EIF4G1: variants seen among roughly 807,000 people sequenced by gnomAD.
EIF4G1 encodes the protein EIF4-gamma.
Under a neutral mutation model 187.8 loss-of-function variants are expected in EIF4G1, and 4 were observed. The observed-to-expected ratio is 0.02, with a 90% CI of 0.01 to 0.05. The LOEUF (loss-of-function observed/expected upper bound fraction) is 0.05, where lower values mean the gene tolerates loss of function less well. EIF4G1 is among the 10% of genes least tolerant of loss of function. The probability of loss-of-function intolerance (pLI) is 1.00; values close to 1 mark genes in which losing one functional copy is unlikely to be tolerated. For synonymous variants in EIF4G1, 844 were observed against 781.4 expected (o/e 1.08, Z -1.34); for missense variants, 1,647 against 2,081.1 (o/e 0.79, Z 4.06).
rs745956332 is a variant in EIF4G1 at position 184,331,489 on chromosome 3, G to T, written c.4278G>T (p.Leu1426=). The change falls in exon 30 of 33, where the codon CTG becomes CTT. Residue 1426 remains leucine (L), a synonymous_variant. Coordinates refer to ENST00000346169, the MANE Select transcript of EIF4G1 (RefSeq NM_198241.3). ...CATTGCAGAAGGTGGAGTATACCCT[G>T]GGAGAGGAGTCGGAAGCCCCTGGCC... ...FVAEQKVEYT[L]GEESEAPGQR... 4.3e-6 allele frequency: 7 copies of T among 1,614,220 alleles called. No individual in the cohort carries two copies. Among genetic ancestry groups the T allele is most frequent in the Non-Finnish European group, 5.9e-6 (7 of 1,180,042 alleles).
intron 28 of EIF4G1, among the ~76,000 whole-genome samples, chr3:184,329,653 T>G (rs745938257): frequency 6.6e-6 from 1 of 152,116 alleles, no homozygotes; most frequent in Non-Finnish European, 1.5e-5. Context: ...AAATGACAGC[T>G]TGATAAAAAC....
In EIF4G1 at chr3:184,319,439, GTGTGTGTGTGTGTGTGTGTGTGTGTGTT is replaced by G. The variant is rs1418350933; in HGVS notation, c.425-232_425-205del. Among the ~76,000 whole-genome samples, 375 of 56,896 alleles carry G rather than the reference GTGTGTGTGTGTGTGTGTGTGTGTGTGTT, an allele frequency of 6.6e-3. 1 individual carries two copies. Among genetic ancestry groups the G allele is most frequent in the African/African-American group, 0.045 (338 of 7,522 alleles). 37.3% of individuals were successfully genotyped at this position (56,896 alleles called of 152,430 possible). A position where few individuals can be genotyped will look rare whatever the true frequency, so the allele number is the denominator to read the frequency against. On this transcript the variant is annotated intron_variant, in intron 6 of 32. Coordinates refer to ENST00000346169, the MANE Select transcript of EIF4G1 (RefSeq NM_198241.3). The stretch of plus-strand genomic sequence containing the variant: ...CTGCCTACGAGGGGTGTGTGTGTGT[GTGTGTGTGTGTGTGTGTGTGTGTGTGTT>G]TGTGTGTGTGTGTGTGTTAGGAATT...
rs769372970 is a variant in EIF4G1 at position 184,322,701 on chromosome 3, C to T, written c.1766C>T (p.Pro589Leu). Residue 589 changes from proline (P) to leucine (L), a missense_variant, in exon 12 of 33, where the codon CCC (proline) becomes CTC (leucine). Transcript: ENST00000346169. ...DKIHNAENIQ[P>L]GEQKYEYKSD... ...ATTCACAATGCTGAGAACATCCAGC[C>T]CGGGGAACAGAAGTATGAATATAAG... The T allele has an allele frequency of 3.4e-5, 55 of 1,613,964 alleles. No homozygotes were observed. In the South Asian group the frequency reaches 6.0e-4, roughly 18 times the overall value.
At chr3:184,322,982 G>T (rs771928450) in intron 13 of EIF4G1, 28 bp downstream of exon 13, 1 of 1,614,146 alleles carries the variant, frequency 6.2e-7, no homozygotes. Context: ...GGGAGGGGAC[G>T]ATAAGTTTGT....
Position 184,326,098 on chromosome 3 carries a change from G to A in EIF4G1, c.3222+147G>A. ...GAGACAGGACTGCCAGCTGTAGAGGGAGGGTGGTACTCCCATTAGTCTGGA... is the reference window on the plus strand; with the variant it reads ...GAGACAGGACTGCCAGCTGTAGAGGAAGGGTGGTACTCCCATTAGTCTGGA... On this transcript the variant is annotated intron_variant, in intron 21 of 32. Coordinates refer to ENST00000346169, the MANE Select transcript of EIF4G1 (RefSeq NM_198241.3). 3 of 815,420 alleles carry A rather than the reference G, an allele frequency of 3.7e-6. No individual in the cohort carries two copies. The Admixed American group carries it at 6.0e-5, about 16-fold the overall frequency. 50.5% of individuals were successfully genotyped at this position (815,420 alleles called of 1,614,324 possible).
chr3:184,315,120 G>A, intron 1 of EIF4G1: 1 of 334,210 alleles, frequency 3.0e-6, no homozygotes, highest in Non-Finnish European at 5.8e-6. Context: ...GGTGGCGGCG[G>A]GCAGGGAGGA....
chr3:184,324,986 A>G lies in EIF4G1; in HGVS notation c.2728A>G (p.Met910Val). Residue 910 changes from methionine to valine, a missense_variant, in exon 18 of 33, where the codon ATG becomes GTG. Transcript: ENST00000346169. ...KFIGELFKLK[M>V]LTEAIMHDCV... ...TATTGGAGAGTTGTTCAAACTGAAG[A>G]TGTTAACAGAGGCAATAATGCATGA... The G allele has an allele frequency of 6.2e-7, 1 of 1,614,210 alleles. No homozygotes were observed. The highest frequency in any genetic ancestry group is 8.5e-7 in the Non-Finnish European group (1 of 1,180,040).
chr3:184,315,138 G>C lies in EIF4G1; in HGVS notation c.-91-351G>C, dbSNP rs990471937. 6.2e-5 allele frequency: 21 copies of C among 341,248 alleles called. No homozygotes were observed. The East Asian group carries it at 1.6e-3, about 26-fold the overall frequency. The allele number at this position is 341,248 out of a possible 1,614,324, so 21.1% of individuals were successfully genotyped here. A position where few individuals can be genotyped will look rare whatever the true frequency, so the allele number is the denominator to read the frequency against. On this transcript the variant is annotated intron_variant, in intron 1 of 32. Coordinates refer to ENST00000346169, the MANE Select transcript of EIF4G1 (RefSeq NM_198241.3). ...GGCGGCGGGCAGGGAGGAGCCCCCGGCCCCGCCCGCCCTCCGGGCCGACCC... is the reference window on the plus strand; with the variant it reads ...GGCGGCGGGCAGGGAGGAGCCCCCGCCCCCGCCCGCCCTCCGGGCCGACCC...
chr3:184,319,467 T>TGTTTGTGTG (rs1560209601), intron 6 of EIF4G1, among the ~76,000 whole-genome samples: 1 of 11,264 alleles, frequency 8.9e-5, no homozygotes, highest in Non-Finnish European at 1.7e-4. Context: ...GTGTGTGTGT[T>TGTTTGTGTG]TGTGTGTGTG....
chr3:184,328,894 T>C lies in EIF4G1; in HGVS notation c.4080-15T>C. The C allele has an allele frequency of 6.2e-7, 1 of 1,614,144 alleles. No individual in the cohort carries two copies. Among genetic ancestry groups the C allele is most frequent in the South Asian group, 1.1e-5 (1 of 91,082 alleles). On this transcript the variant is annotated splice_polypyrimidine_tract_variant and intron_variant, in intron 27 of 32. Transcript: ENST00000346169. ...CTGTGGAGGCTGTCAGCATTAGGTT[T>C]TTCTCTTCTTGTAGGGAGATTACAA...
chr3:184,331,717 C>A lies in EIF4G1; in HGVS notation c.4396-11C>A. 1.9e-6 allele frequency: 3 copies of A among 1,614,206 alleles called. No homozygotes were observed. Among genetic ancestry groups the A allele is most frequent in the Non-Finnish European group, 1.7e-6 (2 of 1,180,046 alleles). Reference sequence around the variant, plus strand: ...TTCAGAATCTGGGGATCATTTGTTTCTCCCATACAGGCCAACCTGAGTGAG... The same window carrying A: ...TTCAGAATCTGGGGATCATTTGTTTATCCCATACAGGCCAACCTGAGTGAG... On this transcript the variant is annotated splice_polypyrimidine_tract_variant and intron_variant, in intron 30 of 32. Transcript: ENST00000346169.
intron 7 of EIF4G1, chr3:184,320,359 G>A: frequency 1.5e-6 from 2 of 1,366,310 alleles, no homozygotes; most frequent in Non-Finnish European, 1.9e-6. Context: ...ACTGACTTGG[G>A]GACTGCTGGT....
At chr3:184,329,062 T>G in intron 28 of EIF4G1, 72 bp downstream of exon 28, 1 of 1,556,544 alleles carries the variant, frequency 6.4e-7, no homozygotes. Context: ...GCCCTGAAGC[T>G]TCATGGTCCA....
chr3:184,323,998 A>C lies in EIF4G1; in HGVS notation c.2472+21A>C. Reference sequence around the variant, plus strand: ...TGGCGGTTAGTTTCCAGTGGGTTCTAAATCTAATGGTCTGGTTGCCCATTC... The same window carrying C: ...TGGCGGTTAGTTTCCAGTGGGTTCTCAATCTAATGGTCTGGTTGCCCATTC... On this transcript the variant is annotated intron_variant, in intron 16 of 32. Transcript: ENST00000346169. The surrounding 1 kb of genome is among the most constrained non-coding windows in gnomAD (Gnocchi z 6.9). The C allele has an allele frequency of 1.2e-6, 2 of 1,613,274 alleles. No homozygotes were observed. Among genetic ancestry groups the C allele is most frequent in the Non-Finnish European group, 8.5e-7 (1 of 1,180,012 alleles).
intron 30 of EIF4G1, 41 bp downstream of exon 30, chr3:184,331,647 TAGGGTG>T: frequency 6.7e-7 from 1 of 1,486,102 alleles, no homozygotes; most frequent in Non-Finnish European, 9.0e-7. Flanking sequence ...AGGTAGTTCT[TAGGGTG>T]GGGGTGGGGG....
intron 1 of EIF4G1, 147 bp from the exon 2 acceptor site, chr3:184,315,342 C>T (rs375273485): frequency 9.7e-6 from 5 of 517,530 alleles, no homozygotes; most frequent in African/African-American, 1.9e-5. Context: ...ACCCGGTGTC[C>T]CCGGGTGGGG....
chr3:184,328,246 A>G (rs1725333542), intron 26 of EIF4G1: 1 of 526,840 alleles, frequency 1.9e-6, no homozygotes, highest in African/African-American at 1.9e-5. Context: ...ATAATACAAA[A>G]ATTAGCCAGG....
At chr3:184,316,058 C>T (rs1577178654) in intron 3 of EIF4G1, 74 bp from the exon 4 acceptor site, 2 of 1,597,684 alleles carry the variant, frequency 1.3e-6, no homozygotes, top group East Asian at 2.3e-5. Flanking sequence ...GATCTGCTCC[C>T]CTTATTTCAC....
Position 184,322,074 on chromosome 3 carries a change from A to G in EIF4G1, c.1490A>G (p.Gln497Arg). 1 of 1,613,962 alleles carries G rather than the reference A, an allele frequency of 6.2e-7. No individual in the cohort carries two copies. Among genetic ancestry groups the G allele is most frequent in the South Asian group, 1.1e-5 (1 of 91,084 alleles). Residue 497 changes from glutamine to arginine, a missense_variant, in exon 10 of 33, where the codon CAG (glutamine) becomes CGG (arginine). Coordinates refer to ENST00000346169, the MANE Select transcript of EIF4G1 (RefSeq NM_198241.3). ...ESTPIPANLS[Q>R]NLEAAAATQV... ...ACCCCTATTCCAGCCAACTTGTCTC[A>G]GAATTTGGAGGCAGCAGCAGCCACT...
Sources: allele counts gnomAD v4.1 joint callset (sites outside exome capture counted in the v4.1 genomes callset), GRCh38; gene constraint gnomAD v4.1.1; non-coding constraint Gnocchi (gnomAD v3.1); transcripts MANE v1.5; gene names NCBI Gene and HGNC (gene_info 2026-07-23, HGNC 2026-07-21).